ROR1: variants seen among roughly 807,000 people sequenced by gnomAD.
The protein encoded by ROR1 is inactive tyrosine-protein kinase transmembrane receptor ROR1.
In ROR1, 19 loss-of-function variants were observed where a neutral mutation model predicts 78.8. The ratio of observed to expected loss-of-function variants is 0.24; its 90% CI spans 0.17 to 0.35. The LOEUF (loss-of-function observed/expected upper bound fraction) is 0.35. Ranked by LOEUF, ROR1 falls within the 10% of genes least tolerant of loss-of-function variation. The probability of loss-of-function intolerance (pLI) is 1.00; values close to 1 mark genes in which losing one functional copy is unlikely to be tolerated. For missense variants in ROR1, 917 were observed against 1,177.8 expected (o/e 0.78, Z 3.24); for synonymous variants, 386 against 433.6 (o/e 0.89, Z 1.36).
At chr1:63,852,110 T>C (rs576373462) in intron 1 of ROR1, among the ~76,000 whole-genome samples, 1 of 152,366 alleles carries the variant, frequency 6.6e-6, no homozygotes, top group Non-Finnish European at 1.5e-5. Flanking sequence ...ATATTAAGCA[T>C]TAAATATACA....
intron 1 of ROR1, among the ~76,000 whole-genome samples, chr1:63,861,812 TA>T (rs1230548808): frequency 6.6e-6 from 1 of 152,196 alleles, no homozygotes; most frequent in Non-Finnish European, 1.5e-5. Context: ...TCTTGAAAGA[TA>T]AATGCCCATT....
At chr1:64,010,001 T>G (rs1365163002) in intron 2 of ROR1, among the ~76,000 whole-genome samples, 1 of 152,176 alleles carries the variant, frequency 6.6e-6, no homozygotes, top group African/African-American at 2.4e-5. Context: ...CTTTCTAGCC[T>G]TAGTTATCTT....
At chr1:64,122,483 T>C (rs1420007374) in intron 4 of ROR1, among the ~76,000 whole-genome samples, 1 of 152,198 alleles carries the variant, frequency 6.6e-6, no homozygotes, top group Non-Finnish European at 1.5e-5. Context: ...CATCGATCCT[T>C]CAGCAGTCAT....
At chr1:64,062,148 A>G (rs1557633264) in intron 4 of ROR1, among the ~76,000 whole-genome samples, 1 of 152,180 alleles carries the variant, frequency 6.6e-6, no homozygotes, top group East Asian at 1.9e-4. Context: ...CTCCTGTTGA[A>G]TAGAACAGAA....
intron 1 of ROR1, among the ~76,000 whole-genome samples, chr1:63,835,617 C>T (rs539408435): frequency 2.6e-5 from 4 of 152,284 alleles, no homozygotes; most frequent in East Asian, 1.9e-4. Context: ...GGTCATCAGT[C>T]GTGTGCCAGA....
At chr1:64,010,455 C>T (rs1349806132) in intron 2 of ROR1, among the ~76,000 whole-genome samples, 1 of 151,272 alleles carries the variant, frequency 6.6e-6, no homozygotes, top group Non-Finnish European at 1.5e-5. Context: ...AATGATGAGT[C>T]ACATCTTACC....
rs572778227 is a variant in ROR1, at chr1:63,807,587, C to T, written c.91+33079C>T. ...GCTGTCCCAGGCTTTAGAGCGATTT[C>T]CCTCACTTGGCATAGGTCTTTGCAA... On this transcript the variant is annotated intron_variant, in intron 1 of 8. Coordinates refer to ENST00000371079, the MANE Select transcript of ROR1 (RefSeq NM_005012.4). Among the ~76,000 whole-genome samples the T allele has an allele frequency of 3.9e-4, 60 of 152,314 alleles. 1 individual carries two copies. The South Asian group carries it at 0.012, about 30-fold the overall frequency.
At chr1:63,998,788 T>TG (rs1300416430) in intron 1 of ROR1, among the ~76,000 whole-genome samples, 3 of 152,186 alleles carry the variant, frequency 2.0e-5, no homozygotes, top group Admixed American at 6.5e-5. Context: ...GGTTTAGCTC[T>TG]GTGTCCCCAC....
At chr1:63,827,351 C>A (rs184426830) in intron 1 of ROR1, among the ~76,000 whole-genome samples, 65 of 152,194 alleles carry the variant, frequency 4.3e-4, no homozygotes, top group African/African-American at 1.6e-3. Context: ...TGTCATGAAA[C>A]CTTTGCCTAC....
chr1:64,078,271 G>T (rs555120594), intron 4 of ROR1, among the ~76,000 whole-genome samples: 1 of 152,254 alleles, frequency 6.6e-6, no homozygotes, highest in East Asian at 1.9e-4. Flanking sequence ...CTTGGAAAAA[G>T]AATAGGAGTT....
chr1:64,019,531 A>G (rs561790285), intron 2 of ROR1, among the ~76,000 whole-genome samples: 2 of 152,330 alleles, frequency 1.3e-5, no homozygotes, highest in African/African-American at 4.8e-5. Flanking sequence ...ATATTGATAT[A>G]TTTTTAAAAT....
At chr1:63,806,316 A>AATTTTT (rs1553133293) in intron 1 of ROR1, among the ~76,000 whole-genome samples, 3 of 87,264 alleles carry the variant, frequency 3.4e-5, no homozygotes, top group Non-Finnish European at 2.5e-5. Context: ...CTGTCAGACT[A>AATTTTT]TTTTTTTTTT....
chr1:63,988,272 A>C (rs777591826), intron 1 of ROR1, among the ~76,000 whole-genome samples: 10 of 152,306 alleles, frequency 6.6e-5, no homozygotes, highest in Admixed American at 2.0e-4. Context: ...GGAAAAATAA[A>C]ACAATTTTTT....
At chr1:63,817,648 G>A (rs1644900236) in intron 1 of ROR1, among the ~76,000 whole-genome samples, 1 of 152,188 alleles carries the variant, frequency 6.6e-6, no homozygotes, top group African/African-American at 2.4e-5. Context: ...TTTGGGGGCT[G>A]CAAGGGTGCA....
chr1:63,920,513 A>C (rs150546816), intron 1 of ROR1, among the ~76,000 whole-genome samples: 22 of 152,326 alleles, frequency 1.4e-4, no homozygotes, highest in African/African-American at 5.0e-4. Flanking sequence ...GACCGGATTC[A>C]GGAGGCCTGT....
At position 63,790,565 on chromosome 1, in the gene ROR1, C is replaced by G. The variant is rs186117758; in HGVS notation, c.91+16057C>G. ...GGGTCACCCTGCTCTTAATTGGCAA[C>G]CAATTCAGATTCTCCCTTACAATCC... On this transcript the variant is annotated intron_variant, in intron 1 of 8. Coordinates refer to ENST00000371079, the MANE Select transcript of ROR1 (RefSeq NM_005012.4). Among the ~76,000 whole-genome samples, 455 of 152,296 alleles carry G rather than the reference C, an allele frequency of 3.0e-3. 7 individuals carry two copies. The highest frequency in any genetic ancestry group is 0.022 in the Admixed American group (333 of 15,308).
chr1:63,853,046 A>T (rs138631088), intron 1 of ROR1, among the ~76,000 whole-genome samples: 1 of 152,214 alleles, frequency 6.6e-6, no homozygotes, highest in Non-Finnish European at 1.5e-5. Context: ...ATGTTGTATC[A>T]TTATCAGTAC....
At chr1:63,832,918 A>T (rs1244415512) in intron 1 of ROR1, among the ~76,000 whole-genome samples, 1 of 152,190 alleles carries the variant, frequency 6.6e-6, no homozygotes, top group Non-Finnish European at 1.5e-5. Context: ...ACACTCATCC[A>T]CATCTGCCAT....
intron 1 of ROR1, among the ~76,000 whole-genome samples, chr1:64,006,350 T>C (rs1646427574): frequency 6.6e-6 from 1 of 152,114 alleles, no homozygotes; most frequent in East Asian, 1.9e-4. Flanking sequence ...GATGAGCCTT[T>C]TCATAGGTGA....
Sources: allele counts gnomAD v4.1 joint callset (sites outside exome capture counted in the v4.1 genomes callset), GRCh38; gene constraint gnomAD v4.1.1; transcripts MANE v1.5; gene names NCBI Gene and HGNC (gene_info 2026-07-23, HGNC 2026-07-21).